The following CTNNB1 variants were observed in gnomAD, a reference collection of about 807,000 sequenced individuals.
The protein encoded by CTNNB1 is catenin beta-1.
CTNNB1 carries 6 observed loss-of-function variants against 82.5 expected under a neutral mutation model. The ratio of observed to expected loss-of-function variants is 0.07; its 90% CI spans 0.04 to 0.14. CTNNB1 has a LOEUF of 0.14. Ranked by LOEUF, CTNNB1 falls within the 10% of genes least tolerant of loss-of-function variation. The probability of loss-of-function intolerance (pLI) is 1.00; values close to 1 mark genes in which losing one functional copy is unlikely to be tolerated. For synonymous variants in CTNNB1, 312 were observed against 329.7 expected (o/e 0.95, Z 0.58); for missense variants, 529 against 980.4 (o/e 0.54, Z 6.15).
Position 41,225,887 on chromosome 3 carries a change from T to G in CTNNB1, c.936+26T>G. ...GTAAGAGAATTATTCTTTATGTGGT[T>G]TTCATGGAGCATTGGACACCTCCAG... On this transcript the variant is annotated intron_variant, in intron 6 of 14. Coordinates refer to ENST00000349496, the MANE Select transcript of CTNNB1 (RefSeq NM_001904.4). This position sits in a 1 kb window ranked among gnomAD's most constrained non-coding sequence, Gnocchi z 5.3. 3 of 1,593,266 alleles carry G rather than the reference T, an allele frequency of 1.9e-6. No homozygotes were observed. Among genetic ancestry groups the G allele is most frequent in the Non-Finnish European group, 2.6e-6 (3 of 1,163,556 alleles).
In CTNNB1 at chr3:41,214,554, C is replaced by T. The variant is rs577016169; in HGVS notation, c.-48-9467C>T. On this transcript the variant is annotated intron_variant, in intron 1 of 14. Coordinates refer to ENST00000349496, the MANE Select transcript of CTNNB1 (RefSeq NM_001904.4). ...CAGCTTCTTGTTTTGAAGATACTTA[C>T]GGGGGGGAACACTTTGTGATTTCTC... Among the ~76,000 whole-genome samples the T allele has an allele frequency of 1.5e-3, 228 of 152,000 alleles. 1 individual carries two copies. The highest frequency in any genetic ancestry group is 5.1e-3 in the African/African-American group (212 of 41,450).
chr3:41,220,373 A>T (rs2078016846), intron 1 of CTNNB1, among the ~76,000 whole-genome samples: 1 of 151,564 alleles, frequency 6.6e-6, no homozygotes, highest in African/African-American at 2.4e-5. Context: ...ACACCTTGAG[A>T]ACACACACAC....
Position 41,233,689 on chromosome 3 carries a change from G to A in CTNNB1, c.1346G>A (p.Arg449His), listed in dbSNP as rs1198223590. 3 of 1,614,060 alleles carry A rather than the reference G, an allele frequency of 1.9e-6. No individual in the cohort carries two copies. The highest frequency in any genetic ancestry group is 2.5e-6 in the Non-Finnish European group (3 of 1,180,004). The change falls in exon 9 of 15, where the codon CGT (arginine) becomes CAT (histidine). Residue 449 changes from arginine to histidine, a missense_variant. Around this residue, in one of 4 missense-constraint regions of CTNNB1, gnomAD observed 411 missense variants for 776.4 expected, o/e 0.53. Coordinates refer to ENST00000349496, the MANE Select transcript of CTNNB1 (RefSeq NM_001904.4). ...CQVGGIEALV[R>H]TVLRAGDRED... Reference sequence around the variant, plus strand: ...GTGGGTGGTATAGAGGCTCTTGTGCGTACTGTCCTTCGGGCTGGTGACAGG... The same window carrying A: ...GTGGGTGGTATAGAGGCTCTTGTGCATACTGTCCTTCGGGCTGGTGACAGG...
At chr3:41,217,557 C>T (rs1289794148) in intron 1 of CTNNB1, among the ~76,000 whole-genome samples, 1 of 152,186 alleles carries the variant, frequency 6.6e-6, no homozygotes, top group Non-Finnish European at 1.5e-5. Context: ...GAATGCCTCA[C>T]TTGGCATGCT....
chr3:41,227,667 A>T, intron 7 of CTNNB1, among the ~76,000 whole-genome samples: 1 of 152,224 alleles, frequency 6.6e-6, no homozygotes, highest in East Asian at 1.9e-4. Flanking sequence ...GAAAAGACAA[A>T]TTCTAATATA....
At chr3:41,219,752 C>A (rs1352169049) in intron 1 of CTNNB1, among the ~76,000 whole-genome samples, 6 of 152,106 alleles carry the variant, frequency 3.9e-5, no homozygotes, top group Non-Finnish European at 1.5e-5. Flanking sequence ...CATGAAAGGA[C>A]TTAAAATTCT....
rs1207330730 is a variant in CTNNB1, at chr3:41,239,986, C to CTTTTTTTTTTTTTTTT, written c.*654_*669dup. ...TGACTTTGCTTGCTTTGAAGTAGCT[C>CTTTTTTTTTTTTTTTT]TTTTTTTTTTTTTTTTTTTTTTTTT... On this transcript the variant is annotated 3_prime_UTR_variant, in exon 15 of 15. Transcript: ENST00000349496. 2 of 30,586 alleles carry CTTTTTTTTTTTTTTTT rather than the reference C, an allele frequency of 6.5e-5. No individual in the cohort carries two copies. Among genetic ancestry groups the CTTTTTTTTTTTTTTTT allele is most frequent in the Admixed American group, 5.2e-4 (1 of 1,934 alleles). 1.9% of individuals were successfully genotyped at this position (30,586 alleles called of 1,614,324 possible).
chr3:41,240,207 G>A lies in CTNNB1; in HGVS notation c.*865G>A, dbSNP rs1289975258. On this transcript the variant is annotated 3_prime_UTR_variant, in exon 15 of 15. Transcript: ENST00000349496. ...AGACAAATAGAAAATGGTCCAATTA[G>A]TTTCCTTTTTAATATGCTTAAAATA... is the stretch of plus-strand genomic sequence containing the variant. 1 of 199,184 alleles carries A rather than the reference G, an allele frequency of 5.0e-6. No homozygotes were observed. Among genetic ancestry groups the A allele is most frequent in the Non-Finnish European group, 1.0e-5 (1 of 96,340 alleles). 12.3% of individuals were successfully genotyped at this position (199,184 alleles called of 1,614,324 possible).
intron 1 of CTNNB1, chr3:41,222,095 C>G (rs1162156628): frequency 1.3e-5 from 2 of 152,002 alleles, no homozygotes; most frequent in Non-Finnish European, 2.9e-5. Context: ...AAAAATTTTC[C>G]TGAAGTGATT....
chr3:41,221,262 T>C (rs2078043570), intron 1 of CTNNB1: 1 of 152,178 alleles, frequency 6.6e-6, no homozygotes, highest in Admixed American at 6.5e-5. Flanking sequence ...GCCTATATAG[T>C]ATAGCCTGTT....
At chr3:41,227,430 G>A (rs1298798369) in intron 7 of CTNNB1, 78 bp downstream of exon 7, 3 of 1,481,600 alleles carry the variant, frequency 2.0e-6, no homozygotes, top group Non-Finnish European at 2.8e-6. Context: ...AGGAAAAGGT[G>A]GTAGAACTTT....
chr3:41,206,249 A>G (rs576427692), intron 1 of CTNNB1, among the ~76,000 whole-genome samples: 1 of 152,280 alleles, frequency 6.6e-6, no homozygotes, highest in South Asian at 2.1e-4. Flanking sequence ...AAGTTAGTTC[A>G]AGTTAATCAG....
intron 12 of CTNNB1, 36 bp from the exon 13 acceptor site, chr3:41,236,552 T>G (rs775087275): frequency 1.2e-6 from 2 of 1,614,058 alleles, no homozygotes; most frequent in Admixed American, 1.7e-5. Context: ...GAAGTCTCAG[T>G]TTTTCCTCAA....
At chr3:41,234,325 G>A (rs4135380) in intron 10 of CTNNB1, 28 bp downstream of exon 10, 1 of 1,612,846 alleles carries the variant, frequency 6.2e-7, no homozygotes, top group Non-Finnish European at 8.5e-7. Flanking sequence ...GTGATACCTG[G>A]CTATCTAAAA....
intron 9 of CTNNB1, 117 bp downstream of exon 9, chr3:41,233,984 G>A: frequency 1.4e-6 from 2 of 1,427,814 alleles, no homozygotes; most frequent in Non-Finnish European, 2.0e-6. Context: ...TCCTTAGTAA[G>A]TAGGAAGTAT....
rs2125624645 is a variant in CTNNB1, at chr3:41,225,807, G to A, written c.882G>A (p.Leu294=). 6.2e-7 allele frequency: 1 copy of A among 1,614,012 alleles called. No homozygotes were observed. The highest frequency in any genetic ancestry group is 1.1e-5 in the South Asian group (1 of 91,070). The change falls in exon 6 of 15, where the codon TTG becomes TTA. Residue 294 remains leucine, a synonymous_variant. Transcript: ENST00000349496. This position sits in a 1 kb window ranked among gnomAD's most constrained non-coding sequence, Gnocchi z 5.3. ...TCAACAAAACAAATGTTAAATTCTT[G>A]GCTATTACGACAGACTGCCTTCAAA... is the stretch of plus-strand genomic sequence containing the variant. ...ALLNKTNVKF[L]AITTDCLQIL...
intron 6 of CTNNB1, among the ~76,000 whole-genome samples, 189 bp from the exon 7 acceptor site, chr3:41,227,019 T>A (rs1032379201): frequency 6.6e-6 from 1 of 152,144 alleles, no homozygotes; most frequent in African/African-American, 2.4e-5. Context: ...TTGAGTGGAA[T>A]GCTTTAAAAG....
At chr3:41,222,506 A>AT (rs2078073610) in intron 1 of CTNNB1, among the ~76,000 whole-genome samples, 1 of 152,210 alleles carries the variant, frequency 6.6e-6, no homozygotes, top group Non-Finnish European at 1.5e-5. Flanking sequence ...AAAGCTAAAA[A>AT]ATATATATGT....
intron 13 of CTNNB1, chr3:41,237,763 T>A: frequency 2.3e-6 from 1 of 434,584 alleles, no homozygotes; most frequent in Non-Finnish European, 4.2e-6. Flanking sequence ...TGGCAGCACA[T>A]AATAGGTGCT....
Sources: gnomAD v4.1 joint callset for allele counts (sites outside exome capture counted in the v4.1 genomes callset) on GRCh38, gnomAD v4.1.1 for gene constraint, gnomAD v4.1.1 regional missense constraint, Gnocchi (gnomAD v3.1) non-coding constraint, MANE v1.5 for transcripts, NCBI Gene and HGNC (gene_info 2026-07-23, HGNC 2026-07-21) for gene names.